ANKMY1: variants seen among roughly 807,000 people sequenced by gnomAD.
The protein encoded by ANKMY1 is ankyrin repeat and MYND domain containing 1, also known as ankyrin repeat and MYND domain-containing protein 1.
A neutral mutation model predicts 102.0 loss-of-function variants in ANKMY1; 98 were observed. The ratio of observed to expected loss-of-function variants is 0.96; its 90% CI spans 0.82 to 1.14. The LOEUF is 1.14. Ranked by LOEUF, ANKMY1 falls within the 50% of genes most tolerant of loss-of-function variation. ANKMY1 has a pLI of 0.00. For synonymous variants in ANKMY1, 582 were observed against 559.9 expected, an observed-to-expected ratio of 1.04 and a Z score of -0.56; for missense variants, 1,330 against 1,347.6, an observed-to-expected ratio of 0.99 and a Z score of 0.20.
rs139536942 is a variant in ANKMY1 at position 240,481,119 on chromosome 2, A to G, written c.2886-22T>C. 86 of 1,599,182 alleles carry G rather than the reference A, an allele frequency of 5.4e-5. No homozygotes were observed. In the East Asian group the frequency reaches 1.9e-3, roughly 36 times the overall value. ...AATTCTGCAACAGAGCCTCACCGTCAGCAGGCGGCCACTCCAGAACCTGCT... is the reference window on the plus strand; with the variant it reads ...AATTCTGCAACAGAGCCTCACCGTCGGCAGGCGGCCACTCCAGAACCTGCT... On this transcript the variant is annotated intron_variant, in intron 16 of 17. Coordinates refer to ENST00000401804, the MANE Select transcript of ANKMY1 (RefSeq NM_001282771.3).
chr2:240,482,054 G>C lies in ANKMY1; in HGVS notation c.2885+129C>G, dbSNP rs1023257366. On this transcript the variant is annotated intron_variant, in intron 16 of 17. Coordinates refer to ENST00000401804, the MANE Select transcript of ANKMY1 (RefSeq NM_001282771.3). ...CCTGCAAGCAGGACTTCCTAGAGGA[G>C]GCCATGCCACTTGGGGGTCAGATGG... The C allele has an allele frequency of 2.5e-5, 25 of 997,526 alleles. No individual in the cohort carries two copies. In the East Asian group the frequency reaches 6.1e-4, roughly 24 times the overall value. 61.8% of individuals were successfully genotyped at this position (997,526 alleles called of 1,614,324 possible).
At chr2:240,557,842 C>T in intron 1 of ANKMY1, 39 bp downstream of exon 1, 1 of 980,868 alleles carries the variant, frequency 1.0e-6, no homozygotes, top group South Asian at 4.7e-5. Context: ...CGGGATCCCC[C>T]TAGCCCCGGC....
chr2:240,518,268 C>A (rs2081537758), intron 9 of ANKMY1, among the ~76,000 whole-genome samples: 1 of 152,330 alleles, frequency 6.6e-6, no homozygotes, highest in South Asian at 2.1e-4. Flanking sequence ...TAAATAGTAT[C>A]AAGGAACAGA....
At chr2:240,539,087 C>T (rs187559049) in intron 4 of ANKMY1, among the ~76,000 whole-genome samples, 1 of 152,362 alleles carries the variant, frequency 6.6e-6, no homozygotes, top group East Asian at 1.9e-4. Flanking sequence ...TAAACGCAGG[C>T]TGCCTGAGGC....
intron 5 of ANKMY1, among the ~76,000 whole-genome samples, chr2:240,528,348 G>T (rs2084393620): frequency 7.1e-6 from 1 of 141,120 alleles, no homozygotes; most frequent in Non-Finnish European, 1.5e-5. Flanking sequence ...GACTTTTCTG[G>T]AGCTCTGGGT....
intron 13 of ANKMY1, among the ~76,000 whole-genome samples, chr2:240,504,745 G>A (rs533610324): frequency 3.3e-5 from 5 of 152,034 alleles, no homozygotes; most frequent in Non-Finnish European, 5.9e-5. Flanking sequence ...GGTGGCTCAC[G>A]CCTGTAATCC....
At chr2:240,544,439 C>T (rs1013281436) in intron 4 of ANKMY1, among the ~76,000 whole-genome samples, 3 of 152,104 alleles carry the variant, frequency 2.0e-5, no homozygotes, top group Non-Finnish European at 4.4e-5. Flanking sequence ...CCTGATAGAA[C>T]ATTGGAGAAG....
upstream of ANKMY1, chr2:240,558,066 AGGACGCACCCGGCCCCGCCTCC>A (rs1206317932): frequency 1.1e-4 from 89 of 842,760 alleles, 1 homozygote; most frequent in Non-Finnish European, 1.1e-5. Context: ...TCCCCCCGCC[AGGACGCACCCGGCCCCGCCTCC>A]GGGCGTGCCC....
chr2:240,536,264 G>C (rs952026351), intron 4 of ANKMY1, among the ~76,000 whole-genome samples: 2 of 151,200 alleles, frequency 1.3e-5, no homozygotes, highest in Admixed American at 6.6e-5. Context: ...CAATAAGTGA[G>C]AAAAGAAAAG....
intron 15 of ANKMY1, among the ~76,000 whole-genome samples, chr2:240,487,444 G>C (rs2076177331): frequency 6.6e-6 from 1 of 152,180 alleles, no homozygotes; most frequent in Admixed American, 6.5e-5. Context: ...GCAATAAATA[G>C]GCAAGTGCAG....
downstream of ANKMY1, among the ~76,000 whole-genome samples, chr2:240,476,175 C>T (rs1449818055): frequency 1.3e-5 from 2 of 151,984 alleles, no homozygotes; most frequent in African/African-American, 4.8e-5. Flanking sequence ...AATATAGAGT[C>T]CAGAAATAAA....
At chr2:240,527,323 T>C (rs1329423507) in intron 5 of ANKMY1, 1 of 152,914 alleles carries the variant, frequency 6.5e-6, no homozygotes, top group African/African-American at 2.4e-5. Flanking sequence ...GGTAGGTGGG[T>C]AGATGAATGG....
chr2:240,505,314 C>T (rs1490276607), intron 13 of ANKMY1, among the ~76,000 whole-genome samples: 18 of 151,196 alleles, frequency 1.2e-4, no homozygotes, highest in Non-Finnish European at 2.5e-4. Context: ...ATATAAAAAT[C>T]AGCCGGGTGT....
intron 3 of ANKMY1, 140 bp from the exon 4 acceptor site, chr2:240,553,197 G>T: frequency 2.0e-6 from 2 of 1,024,282 alleles, no homozygotes; most frequent in South Asian, 1.6e-5. Context: ...TGCCTGGCAT[G>T]CGACTATTAG....
At chr2:240,475,564 G>A (rs760822943), downstream of ANKMY1, among the ~76,000 whole-genome samples, 2 of 151,500 alleles carry the variant, frequency 1.3e-5, no homozygotes, top group Non-Finnish European at 2.9e-5. Context: ...ATTTAAGGGA[G>A]GTAAAGGATC....
chr2:240,558,022 C>A (rs1329437974), upstream of ANKMY1: 1 of 967,764 alleles, frequency 1.0e-6, no homozygotes. Flanking sequence ...GACAGCCCCG[C>A]CCCATGCCCG....
At chr2:240,492,428 C>T (rs1297875576) in intron 15 of ANKMY1, among the ~76,000 whole-genome samples, 1 of 151,884 alleles carries the variant, frequency 6.6e-6, no homozygotes, top group Non-Finnish European at 1.5e-5. Flanking sequence ...TTTTCTTTAC[C>T]TTTGTCTGAT....
rs529637340 is a variant in ANKMY1, at chr2:240,515,261, A to G, written c.2005-2319T>C. On this transcript the variant is annotated intron_variant, in intron 9 of 17. Coordinates refer to ENST00000401804, the MANE Select transcript of ANKMY1 (RefSeq NM_001282771.3). ...TCTTTAATAGAAAATTGTTGGCTGG[A>G]CGCGGTATCTCACACCTGTAATCCC... Among the ~76,000 whole-genome samples, 220 of 152,180 alleles carry G rather than the reference A, an allele frequency of 1.4e-3. 1 individual carries two copies. Among genetic ancestry groups the G allele is most frequent in the Non-Finnish European group, 2.7e-3 (181 of 68,026 alleles).
Position 240,500,554 on chromosome 2 carries a change from G to T in ANKMY1, c.2538C>A (p.Leu846=). The change falls in exon 14 of 18, where the codon CTC becomes CTA. Residue 846 remains leucine, a synonymous_variant. Transcript: ENST00000401804. Reference sequence around the variant, plus strand: ...TCAGGATGTCGGCCCCGTGACTGATGAGTCGGTCAATCTGTGGAGAACAGA... The same window carrying T: ...TCAGGATGTCGGCCCCGTGACTGATTAGTCGGTCAATCTGTGGAGAACAGA... ...MDSKLALIDR[L]ISHGADILKP... 6.2e-7 allele frequency: 1 copy of T among 1,613,960 alleles called. No homozygotes were observed.
Sources: allele counts gnomAD v4.1 joint callset (sites outside exome capture counted in the v4.1 genomes callset), GRCh38; gene constraint gnomAD v4.1.1; transcripts MANE v1.5; gene names NCBI Gene and HGNC (gene_info 2026-07-23, HGNC 2026-07-21).